The following FSTL4 variants were observed in gnomAD, a reference collection of about 807,000 sequenced individuals.
The protein encoded by FSTL4 is follistatin-related protein 4.
Under a neutral mutation model 78.2 loss-of-function variants are expected in FSTL4, and 28 were observed. The observed-to-expected ratio is 0.36, with a 90% CI of 0.27 to 0.49. FSTL4 has a LOEUF of 0.49. FSTL4 is among the 20% of genes least tolerant of loss of function. The pLI, the probability that FSTL4 is intolerant of heterozygous loss-of-function variation, is 0.98. For synonymous variants in FSTL4, 422 were observed against 440.5 expected, an observed-to-expected ratio of 0.96 and a Z score of 0.53; for missense variants, 922 against 1,084.9, an observed-to-expected ratio of 0.85 and a Z score of 2.11.
chr5:133,809,755 A>G, the FSTL4 span, among the ~76,000 whole-genome samples: 4 of 152,184 alleles, frequency 2.6e-5, no homozygotes, highest in Non-Finnish European at 2.9e-5. Context: ...CATGCGTCCC[A>G]CAGCTGTTAG....
At chr5:133,317,218 CA>C (rs1464723217) in intron 4 of FSTL4, among the ~76,000 whole-genome samples, 2 of 152,240 alleles carry the variant, frequency 1.3e-5, no homozygotes, top group Non-Finnish European at 2.9e-5. Flanking sequence ...AGAAGCTTTA[CA>C]ACGTTAAAAC....
chr5:133,763,592 C>T, the FSTL4 span, among the ~76,000 whole-genome samples: 1 of 152,242 alleles, frequency 6.6e-6, no homozygotes, highest in Non-Finnish European at 1.5e-5. Flanking sequence ...ATAGCCCAGA[C>T]AGCAGGATCC....
At chr5:133,736,261 G>A in the FSTL4 span, among the ~76,000 whole-genome samples, 543 of 152,292 alleles carry the variant, frequency 3.6e-3, 4 homozygotes, top group African/African-American at 0.013. Context: ...ATGGTAAGAA[G>A]GCCTGTTAGA....
intron 6 of FSTL4, among the ~76,000 whole-genome samples, chr5:133,260,144 G>A (rs1403814178): frequency 1.3e-5 from 2 of 152,212 alleles, no homozygotes; most frequent in African/African-American, 4.8e-5. Context: ...CAAGTTTCCT[G>A]GGGTTGGACT....
chr5:133,284,054 C>G (rs1753071372), intron 6 of FSTL4, among the ~76,000 whole-genome samples: 2 of 152,198 alleles, frequency 1.3e-5, no homozygotes, highest in African/African-American at 4.8e-5. Flanking sequence ...TCAGGTCCCT[C>G]CCCCAGCATT....
At chr5:133,629,297 C>T in the FSTL4 span, among the ~76,000 whole-genome samples, 1 of 151,920 alleles carries the variant, frequency 6.6e-6, no homozygotes, top group Non-Finnish European at 1.5e-5. Flanking sequence ...TATATTGAAC[C>T]AGCCTTGCAT....
intron 2 of FSTL4, among the ~76,000 whole-genome samples, chr5:133,593,005 C>A (rs777268487): frequency 2.3e-4 from 35 of 152,182 alleles, no homozygotes; most frequent in Admixed American, 3.3e-4. Context: ...CAAGGTGCAA[C>A]TCTACAGCAA....
chr5:133,322,837 C>T (rs1034128624), intron 4 of FSTL4, among the ~76,000 whole-genome samples: 6 of 152,188 alleles, frequency 3.9e-5, no homozygotes, highest in African/African-American at 1.4e-4. Flanking sequence ...TATGGGGAAT[C>T]GTCCATCCAA....
At chr5:133,405,635 G>A (rs926170297) in intron 3 of FSTL4, among the ~76,000 whole-genome samples, 1 of 152,198 alleles carries the variant, frequency 6.6e-6, no homozygotes, top group Non-Finnish European at 1.5e-5. Context: ...TCCAGGGATT[G>A]GACATAACGG....
intron 14 of FSTL4, among the ~76,000 whole-genome samples, chr5:133,207,646 CT>C (rs374962250): frequency 5.9e-4 from 90 of 152,174 alleles, no homozygotes; most frequent in Non-Finnish European, 1.2e-3. Flanking sequence ...ATACTCCCTA[CT>C]TTTGTTTATT....
At chr5:133,220,726 T>C (rs1480263274) in intron 12 of FSTL4, 22 bp downstream of exon 12, 3 of 1,188,312 alleles carry the variant, frequency 2.5e-6, no homozygotes, top group South Asian at 2.4e-5. Context: ...ATGTAGAAGC[T>C]GCCCCAGGCA....
rs1005148207 is a variant in FSTL4 at position 133,260,947 on chromosome 5, A to C, written c.728-11371T>G. On this transcript the variant is annotated intron_variant, in intron 6 of 15. Coordinates refer to ENST00000265342, the MANE Select transcript of FSTL4 (RefSeq NM_015082.2). ...CCTCTGGGGGCAGTGGTAAGAAAGG[A>C]GGCTGGAGATGTTGGGAGGAGGGCT... Among the ~76,000 whole-genome samples the C allele has an allele frequency of 7.2e-5, 11 of 152,252 alleles. No individual in the cohort carries two copies. The South Asian group carries it at 2.3e-3, about 32-fold the overall frequency.
the FSTL4 span, among the ~76,000 whole-genome samples, chr5:133,705,770 T>A: frequency 6.6e-6 from 1 of 152,030 alleles, no homozygotes; most frequent in African/African-American, 2.4e-5. Context: ...CTTTCCCCTC[T>A]ACTCATCCTC....
intron 3 of FSTL4, among the ~76,000 whole-genome samples, chr5:133,516,584 A>G (rs1758855237): frequency 6.6e-6 from 1 of 152,224 alleles, no homozygotes; most frequent in South Asian, 2.1e-4. Context: ...ATATTCCCCT[A>G]TAACAGTAAC....
At chr5:133,523,047 A>T (rs572565699) in intron 3 of FSTL4, among the ~76,000 whole-genome samples, 15 of 147,924 alleles carry the variant, frequency 1.0e-4, no homozygotes, top group Non-Finnish European at 1.6e-4. Context: ...CTATATTTGG[A>T]GTTAGAATTC....
intron 1 of FSTL4, among the ~76,000 whole-genome samples, chr5:133,609,541 C>T (rs60333805): frequency 6.6e-6 from 1 of 152,258 alleles, no homozygotes; most frequent in South Asian, 2.1e-4. Context: ...TACAGATTTC[C>T]TAAGACAGTC....
At chr5:133,287,265 G>C (rs926402772) in intron 6 of FSTL4, among the ~76,000 whole-genome samples, 1 of 151,956 alleles carries the variant, frequency 6.6e-6, no homozygotes, top group Non-Finnish European at 1.5e-5. Context: ...GCGGGCGCCT[G>C]TAGTCCCAGC....
the FSTL4 span, among the ~76,000 whole-genome samples, chr5:133,816,966 A>G: frequency 6.6e-6 from 1 of 152,078 alleles, no homozygotes; most frequent in East Asian, 1.9e-4. Context: ...GGCAGCCCCC[A>G]TTCAAGCCTC....
At chr5:133,463,528 T>C (rs752375060) in intron 3 of FSTL4, among the ~76,000 whole-genome samples, 7 of 152,244 alleles carry the variant, frequency 4.6e-5, no homozygotes, top group Non-Finnish European at 1.0e-4. Flanking sequence ...CTTGTACCTG[T>C]GCTTTGTGTT....
Sources: allele counts gnomAD v4.1 joint callset (sites outside exome capture counted in the v4.1 genomes callset), GRCh38; gene constraint gnomAD v4.1.1; transcripts MANE v1.5; gene names NCBI Gene and HGNC (gene_info 2026-07-23, HGNC 2026-07-21).